FAM210A: variants seen among roughly 807,000 people sequenced by gnomAD.
FAM210A encodes mitochondrial inner membrane scaffold 1, also known as family with sequence similarity 210 member A.
A neutral mutation model predicts 25.3 loss-of-function variants in FAM210A; 13 were observed. The observed-to-expected ratio is 0.51, with a 90% CI of 0.33 to 0.82. The LOEUF (loss-of-function observed/expected upper bound fraction) is 0.82, where lower values mean the gene tolerates loss of function less well. Among genes scored for constraint, FAM210A ranks in the 40% least tolerant of loss-of-function variants. FAM210A has a pLI of 0.02. For missense variants in FAM210A, 319 were observed against 323.2 expected, an observed-to-expected ratio of 0.99 and a Z score of 0.10; for synonymous variants, 125 against 118.7, an observed-to-expected ratio of 1.05 and a Z score of -0.35.
intron 1 of FAM210A, among the ~76,000 whole-genome samples, chr18:13,708,650 T>A (rs908400443): frequency 6.6e-6 from 1 of 152,252 alleles, no homozygotes; most frequent in African/African-American, 2.4e-5. Flanking sequence ...TTTCATATTA[T>A]ACTATACCTA....
intron 1 of FAM210A, among the ~76,000 whole-genome samples, chr18:13,701,267 G>C (rs1452319249): frequency 3.3e-5 from 5 of 152,142 alleles, no homozygotes; most frequent in African/African-American, 1.2e-4. Flanking sequence ...TTGAGCTCTT[G>C]AGTTTCTCTG....
At chr18:13,668,341 C>T (rs552271302) in intron 3 of FAM210A, among the ~76,000 whole-genome samples, 201 of 152,264 alleles carry the variant, frequency 1.3e-3, no homozygotes, top group African/African-American at 4.7e-3. Context: ...TAGTTCATGG[C>T]GGCTTCTCAT....
At chr18:13,666,948 G>C (rs1343718425) in intron 3 of FAM210A, among the ~76,000 whole-genome samples, 1 of 152,170 alleles carries the variant, frequency 6.6e-6, no homozygotes. Context: ...CCAGATAACA[G>C]AATCATAGCA....
intron 2 of FAM210A, among the ~76,000 whole-genome samples, chr18:13,678,401 G>C (rs1182450786): frequency 6.6e-6 from 1 of 151,906 alleles, no homozygotes. Context: ...CTCCCAAGTA[G>C]CTGGGATTAC....
At chr18:13,714,936 CA>C (rs1386167262) in intron 1 of FAM210A, among the ~76,000 whole-genome samples, 16 of 151,826 alleles carry the variant, frequency 1.1e-4, no homozygotes, top group Non-Finnish European at 2.1e-4. Flanking sequence ...CATTTTTGTC[CA>C]TATTTTAAGT....
chr18:13,705,239 C>T (rs578125912), intron 1 of FAM210A, among the ~76,000 whole-genome samples: 7 of 152,200 alleles, frequency 4.6e-5, no homozygotes, highest in Admixed American at 4.6e-4. Flanking sequence ...CCTATGATAA[C>T]CCATCAGTTA....
At chr18:13,711,134 G>A (rs1018958133) in intron 1 of FAM210A, among the ~76,000 whole-genome samples, 11 of 152,226 alleles carry the variant, frequency 7.2e-5, no homozygotes, top group African/African-American at 2.7e-4. Flanking sequence ...CACTTTGGGA[G>A]GCCAAGGCAG....
chr18:13,688,080 TC>T (rs2043611596), intron 1 of FAM210A, among the ~76,000 whole-genome samples: 1 of 152,130 alleles, frequency 6.6e-6, no homozygotes, highest in Non-Finnish European at 1.5e-5. Context: ...TAGCTTATCT[TC>T]CCATGTACAG....
At chr18:13,712,866 C>G (rs1274631617) in intron 1 of FAM210A, among the ~76,000 whole-genome samples, 4 of 152,200 alleles carry the variant, frequency 2.6e-5, no homozygotes, top group Non-Finnish European at 5.9e-5. Flanking sequence ...TACTTCAAAA[C>G]ATGAAAGCTG....
chr18:13,670,160 G>A (rs889032037), intron 3 of FAM210A, among the ~76,000 whole-genome samples: 3 of 152,142 alleles, frequency 2.0e-5, no homozygotes, highest in African/African-American at 7.2e-5. Flanking sequence ...ATGATTCTGA[G>A]TTCCTGGGAG....
chr18:13,663,483 C>T lies in FAM210A; in HGVS notation c.*2997G>A, dbSNP rs1165941609. On this transcript the variant is annotated 3_prime_UTR_variant, in exon 4 of 4. Coordinates refer to ENST00000651643, the MANE Select transcript of FAM210A (RefSeq NM_152352.4). ...TACAAAAGGCTGTCTCAGTGAAATA[C>T]ATTTTTTGATGTGGTTGGTTTTGCT... 1 of 152,130 alleles carries T rather than the reference C, an allele frequency of 6.6e-6. No individual in the cohort carries two copies. The highest frequency in any genetic ancestry group is 1.5e-5 in the Non-Finnish European group (1 of 68,024). 9.4% of individuals were successfully genotyped at this position (152,130 alleles called of 1,614,324 possible). A position where few individuals can be genotyped will look rare whatever the true frequency, so the allele number is the denominator to read the frequency against.
intron 1 of FAM210A, among the ~76,000 whole-genome samples, chr18:13,684,028 A>T (rs939408712): frequency 6.6e-6 from 1 of 152,212 alleles, no homozygotes; most frequent in African/African-American, 2.4e-5. Flanking sequence ...CAGATAATCC[A>T]ACAACAGTAC....
At chr18:13,667,833 C>T (rs1337711092) in intron 3 of FAM210A, among the ~76,000 whole-genome samples, 1 of 152,154 alleles carries the variant, frequency 6.6e-6, no homozygotes, top group African/African-American at 2.4e-5. Context: ...AAGTTCAAGA[C>T]TAGTCTGGGC....
At chr18:13,699,094 AC>A (rs972291275) in intron 1 of FAM210A, among the ~76,000 whole-genome samples, 4 of 152,148 alleles carry the variant, frequency 2.6e-5, no homozygotes, top group Non-Finnish European at 5.9e-5. Flanking sequence ...GGCGTGAGCC[AC>A]CGCCTGGCCT....
intron 1 of FAM210A, among the ~76,000 whole-genome samples, chr18:13,689,778 C>G (rs892673140): frequency 2.0e-5 from 3 of 152,216 alleles, no homozygotes; most frequent in Non-Finnish European, 4.4e-5. Context: ...TATTAAAAGA[C>G]TCCTAGAAGT....
intron 1 of FAM210A, among the ~76,000 whole-genome samples, chr18:13,698,719 T>A (rs1180003688): frequency 6.6e-6 from 1 of 152,152 alleles, no homozygotes; most frequent in Non-Finnish European, 1.5e-5. Context: ...CCCTATCATA[T>A]CTTGCTGGGC....
chr18:13,684,794 C>A (rs545229914), intron 1 of FAM210A, among the ~76,000 whole-genome samples: 1 of 152,280 alleles, frequency 6.6e-6, no homozygotes, highest in South Asian at 2.1e-4. Flanking sequence ...AACAAGCAGA[C>A]CCCATGCTGG....
intron 2 of FAM210A, among the ~76,000 whole-genome samples, chr18:13,678,021 G>C (rs945927545): frequency 6.6e-6 from 1 of 152,060 alleles, no homozygotes; most frequent in Non-Finnish European, 1.5e-5. Flanking sequence ...TTAAAGAGAT[G>C]AATTAAAAAA....
At chr18:13,693,693 AGCCC>A in intron 1 of FAM210A, among the ~76,000 whole-genome samples, 1 of 152,252 alleles carries the variant, frequency 6.6e-6, no homozygotes, top group Non-Finnish European at 1.5e-5. Context: ...AAAATTCAAC[AGCCC>A]TTCATGCTAA....
Sources: allele counts gnomAD v4.1 joint callset (sites outside exome capture counted in the v4.1 genomes callset), GRCh38; gene constraint gnomAD v4.1.1; transcripts MANE v1.5; gene names NCBI Gene and HGNC (gene_info 2026-07-23, HGNC 2026-07-21).